Variants in ZNF578 observed in about 807,000 individuals in gnomAD.
ZNF578 encodes zinc finger protein 578.
Under a neutral mutation model 8.3 loss-of-function variants are expected in ZNF578, and 8 were observed. The ratio of observed to expected loss-of-function variants is 0.96; its 90% CI spans 0.56 to 1.74. ZNF578 has a LOEUF of 1.74. Ranked by LOEUF, ZNF578 falls within the 40% of genes most tolerant of loss-of-function variation. The pLI is 0.00. For synonymous variants in ZNF578, 206 were observed against 232.2 expected, an observed-to-expected ratio of 0.89 and a Z score of 1.03; for missense variants, 726 against 707.5, an observed-to-expected ratio of 1.03 and a Z score of -0.30.
chr19:52,488,677 G>A (rs975760473), intron 2 of ZNF578, among the ~76,000 whole-genome samples: 1 of 151,302 alleles, frequency 6.6e-6, no homozygotes, highest in Non-Finnish European at 1.5e-5. Flanking sequence ...CCAGCTACTC[G>A]GGAGGCTGAG....
At chr19:52,490,318 G>A (rs557718658) in intron 2 of ZNF578, among the ~76,000 whole-genome samples, 1 of 152,266 alleles carries the variant, frequency 6.6e-6, no homozygotes, top group South Asian at 2.1e-4. Flanking sequence ...GTATTTACTT[G>A]AACGCATACA....
Position 52,513,956 on chromosome 19 carries a change from T to TA in ZNF578, c.*1803dup, listed in dbSNP as rs1258760274. On this transcript the variant is annotated 3_prime_UTR_variant, in exon 6 of 6. Coordinates refer to ENST00000421239, the MANE Select transcript of ZNF578 (RefSeq NM_001099694.2). ...ATGAGAATCACTTAAACCTGGGAGG[T>TA]AGAGGTTACAGCGAATCAAAACCGT... 1.3e-5 allele frequency among the ~76,000 whole-genome samples: 2 copies of TA among 151,868 alleles called. No individual in the cohort carries two copies. Among genetic ancestry groups the TA allele is most frequent in the Non-Finnish European group, 2.9e-5 (2 of 67,970 alleles).
At position 52,473,745 on chromosome 19, in the gene ZNF578, C is replaced by G. The variant is rs1396239122; in HGVS notation, c.-122+16787C>G. ...TCCTTACATGTATAAGGTTTCCTTC[C>G]AATGTGGATTAACAGATGGGCAGTG... On this transcript the variant is annotated intron_variant, in intron 2 of 5. Coordinates refer to ENST00000421239, the MANE Select transcript of ZNF578 (RefSeq NM_001099694.2). 1.2e-4 allele frequency: 33 copies of G among 286,170 alleles called. 1 individual carries two copies. In the Middle Eastern group the frequency reaches 3.1e-3, roughly 27 times the overall value. The allele number at this position is 286,170 out of a possible 1,614,324, so 17.7% of individuals were successfully genotyped here. A position where few individuals can be genotyped will look rare whatever the true frequency, so the allele number is the denominator to read the frequency against.
intron 2 of ZNF578, among the ~76,000 whole-genome samples, chr19:52,487,111 T>C (rs1168375168): frequency 6.6e-6 from 1 of 151,934 alleles, no homozygotes; most frequent in African/African-American, 2.4e-5. Context: ...GGCAAGTGGA[T>C]TGCTTGAGTC....
At chr19:52,466,323 TTCTC>T (rs2059275075) in intron 2 of ZNF578, among the ~76,000 whole-genome samples, 1 of 152,198 alleles carries the variant, frequency 6.6e-6, no homozygotes, top group Non-Finnish European at 1.5e-5. Flanking sequence ...AGGAGTGTCT[TTCTC>T]CTTGAACACA....
At chr19:52,466,636 G>A (rs112572489) in intron 2 of ZNF578, among the ~76,000 whole-genome samples, 2 of 152,208 alleles carry the variant, frequency 1.3e-5, no homozygotes, top group Non-Finnish European at 2.9e-5. Context: ...CAAAAATGGC[G>A]ATTTTTAAGA....
intron 3 of ZNF578, among the ~76,000 whole-genome samples, chr19:52,497,471 C>G (rs2122915766): frequency 6.6e-6 from 1 of 152,284 alleles, no homozygotes; most frequent in South Asian, 2.1e-4. Flanking sequence ...TCTTCCTGCC[C>G]TGGCCTCCCA....
intron 2 of ZNF578, among the ~76,000 whole-genome samples, chr19:52,475,505 A>T (rs1203972679): frequency 6.6e-6 from 1 of 151,882 alleles, no homozygotes; most frequent in Non-Finnish European, 1.5e-5. Flanking sequence ...TACAGGCGCC[A>T]GCCACCACGC....
At chr19:52,488,424 C>T (rs1165959170) in intron 2 of ZNF578, among the ~76,000 whole-genome samples, 3 of 151,888 alleles carry the variant, frequency 2.0e-5, no homozygotes, top group Non-Finnish European at 4.4e-5. Context: ...CTGGCTAACA[C>T]GGTGAAACCC....
chr19:52,501,687 ATGTCTGCATGATCTCTGG>A (rs1247225775), intron 3 of ZNF578, 122 bp from the exon 4 acceptor site: 1 of 819,682 alleles, frequency 1.2e-6, no homozygotes, highest in African/African-American at 1.7e-5. Flanking sequence ...GGACTTTCTT[ATGTCTGCATGATCTCTGG>A]TGCAGTGGGC....
At chr19:52,474,049 G>A in intron 2 of ZNF578, 3 of 419,584 alleles carry the variant, frequency 7.1e-6, no homozygotes, top group South Asian at 2.0e-5. Flanking sequence ...TGAAGACCTT[G>A]CCACATTCAT....
chr19:52,487,795 A>G (rs1454690138), intron 2 of ZNF578, among the ~76,000 whole-genome samples: 2 of 151,612 alleles, frequency 1.3e-5, no homozygotes, highest in African/African-American at 4.9e-5. Flanking sequence ...AAGCCCGGCT[A>G]GTTTTCGTAT....
chr19:52,495,883 G>A (rs1256409994), intron 3 of ZNF578, among the ~76,000 whole-genome samples: 3 of 151,830 alleles, frequency 2.0e-5, no homozygotes, highest in Non-Finnish European at 2.9e-5. Context: ...GGGAGTGGGG[G>A]AAGAGAAGTA....
chr19:52,513,418 A>C lies in ZNF578; in HGVS notation c.*1264A>C, dbSNP rs935531587. Reference sequence around the variant, plus strand: ...TTTGAGATAGTACTTTTTTAAAGGGATATACCATAGTAGTTTTAAAAGGGA... The same window carrying C: ...TTTGAGATAGTACTTTTTTAAAGGGCTATACCATAGTAGTTTTAAAAGGGA... On this transcript the variant is annotated 3_prime_UTR_variant, in exon 6 of 6. Transcript: ENST00000421239. Among the ~76,000 whole-genome samples, 17 of 138,998 alleles carry C rather than the reference A, an allele frequency of 1.2e-4. No homozygotes were observed. Among genetic ancestry groups the C allele is most frequent in the African/African-American group, 4.5e-4 (17 of 37,688 alleles). The allele number at this position is 138,998 out of a possible 152,430, so 91.2% of individuals were successfully genotyped here.
In ZNF578 at chr19:52,511,579, A is replaced by T. The variant is rs1467766274; in HGVS notation, c.1198A>T (p.Lys400Ter). Residue 400 changes from lysine (K) to a stop codon, truncating the protein, a stop_gained, in exon 6 of 6, where the codon AAG (lysine) becomes TAG (stop). Coordinates refer to ENST00000421239, the MANE Select transcript of ZNF578 (RefSeq NM_001099694.2). LOFTEE classifies it low-confidence loss of function (END_TRUNC). ...KAIHTGEKPY[K>*]CNECGKAFNQ... ...AATTCATACTGGAGAGAAACCTTAC[A>T]AGTGTAATGAATGTGGCAAGGCTTT... The T allele has an allele frequency of 6.2e-6, 10 of 1,613,218 alleles. No homozygotes were observed. Among genetic ancestry groups the T allele is most frequent in the Non-Finnish European group, 8.5e-6 (10 of 1,179,210 alleles).
At chr19:52,508,105 G>C (rs1172281779) in intron 5 of ZNF578, among the ~76,000 whole-genome samples, 1 of 152,046 alleles carries the variant, frequency 6.6e-6, no homozygotes, top group African/African-American at 2.4e-5. Context: ...CCAGCACTTT[G>C]GGAGGCCGCG....
rs867967439 is a variant in ZNF578, at chr19:52,511,679, G to T, written c.1298G>T (p.Gly433Val). The T allele has an allele frequency of 1.2e-6, 2 of 1,612,248 alleles. No homozygotes were observed. The highest frequency in any genetic ancestry group is 1.7e-6 in the Non-Finnish European group (2 of 1,179,476). ...AAACCTTACAAGTGTAATGACTGTGGTAAGGCTTTTATTCATCAGTCAAGC... is the reference window on the plus strand; with the variant it reads ...AAACCTTACAAGTGTAATGACTGTGTTAAGGCTTTTATTCATCAGTCAAGC... ...GEKPYKCNDC[G>V]KAFIHQSSLA... Residue 433 changes from glycine to valine, a missense_variant, in exon 6 of 6, where the codon GGT becomes GTT. Transcript: ENST00000421239.
At chr19:52,460,245 T>G (rs2059253723) in intron 2 of ZNF578, among the ~76,000 whole-genome samples, 1 of 152,034 alleles carries the variant, frequency 6.6e-6, no homozygotes, top group South Asian at 2.1e-4. Context: ...ACCTCAGTAA[T>G]GGGTATACCA....
chr19:52,499,072 C>G (rs2059397497), intron 3 of ZNF578, among the ~76,000 whole-genome samples: 1 of 152,156 alleles, frequency 6.6e-6, no homozygotes, highest in Non-Finnish European at 1.5e-5. Flanking sequence ...CTCCTTCCTC[C>G]TCACCTCAGA....
Sources: gnomAD v4.1 joint callset for allele counts (sites outside exome capture counted in the v4.1 genomes callset) on GRCh38, gnomAD v4.1.1 for gene constraint, MANE v1.5 for transcripts, NCBI Gene and HGNC (gene_info 2026-07-23, HGNC 2026-07-21) for gene names.